The following WWOX variants were observed in gnomAD, a reference collection of about 807,000 sequenced individuals.
WWOX encodes the protein WW domain-containing oxidoreductase.
In WWOX, 69 loss-of-function variants were observed where a neutral mutation model predicts 46.2. The ratio of observed to expected loss-of-function variants is 1.49; its 90% confidence interval spans 1.23 to 1.82. The LOEUF (loss-of-function observed/expected upper bound fraction) is 1.82, where lower values mean the gene tolerates loss of function less well. Among genes scored for constraint, WWOX ranks in the 40% most tolerant of loss-of-function variants. The probability of loss-of-function intolerance (pLI) is 0.00; values close to 1 mark genes in which losing one functional copy is unlikely to be tolerated. For missense variants in WWOX, 919 were observed against 542.6 expected, an observed-to-expected ratio of 1.69 and a Z score of -6.89; for synonymous variants, 359 against 202.6, an observed-to-expected ratio of 1.77 and a Z score of -6.56.
intron 8 of WWOX, among the ~76,000 whole-genome samples, chr16:79,140,559 T>G (rs919883860): frequency 6.6e-6 from 1 of 152,152 alleles, no homozygotes; most frequent in Non-Finnish European, 1.5e-5. Flanking sequence ...CCCTGAACTT[T>G]GCAAACCTCT....
At chr16:78,516,103 C>G (rs892081982) in intron 8 of WWOX, among the ~76,000 whole-genome samples, 6 of 152,098 alleles carry the variant, frequency 3.9e-5, no homozygotes, top group Admixed American at 2.6e-4. Flanking sequence ...AAATGAATAG[C>G]AAGAAAAATA....
chr16:78,680,646 C>T (rs551484288), intron 8 of WWOX, among the ~76,000 whole-genome samples: 1 of 152,206 alleles, frequency 6.6e-6, no homozygotes, highest in Admixed American at 6.5e-5. Flanking sequence ...AAGATTCAAT[C>T]TCTCACTCAC....
chr16:78,289,419 T>G (rs968245842), intron 5 of WWOX, among the ~76,000 whole-genome samples: 2 of 151,908 alleles, frequency 1.3e-5, no homozygotes, highest in African/African-American at 4.8e-5. Context: ...AATTACTTAC[T>G]AATGAAAAAA....
intron 8 of WWOX, among the ~76,000 whole-genome samples, chr16:78,528,349 A>T (rs749846872): frequency 6.6e-6 from 1 of 151,374 alleles, no homozygotes; most frequent in Non-Finnish European, 1.5e-5. Flanking sequence ...GTGATAGTCC[A>T]ACCTCCTGTA....
intron 8 of WWOX, among the ~76,000 whole-genome samples, chr16:78,441,765 G>T (rs113161102): frequency 6.6e-5 from 10 of 152,026 alleles, no homozygotes; most frequent in African/African-American, 2.4e-4. Flanking sequence ...TGAACTTAAG[G>T]CCTCTACAGT....
chr16:79,178,269 C>T (rs2050841388), intron 8 of WWOX, among the ~76,000 whole-genome samples: 1 of 152,116 alleles, frequency 6.6e-6, no homozygotes, highest in Non-Finnish European at 1.5e-5. Context: ...AAACAGTGGG[C>T]AGGATTTGAC....
At chr16:79,097,484 T>G (rs891668451) in intron 8 of WWOX, among the ~76,000 whole-genome samples, 1 of 151,920 alleles carries the variant, frequency 6.6e-6, no homozygotes. Context: ...GCAAAATCCA[T>G]ATTTTGTTCG....
At chr16:78,866,197 G>A (rs1028653714) in intron 8 of WWOX, among the ~76,000 whole-genome samples, 5 of 152,090 alleles carry the variant, frequency 3.3e-5, no homozygotes, top group Non-Finnish European at 5.9e-5. Flanking sequence ...AAACACCGAA[G>A]AATCCTTCTG....
intron 8 of WWOX, among the ~76,000 whole-genome samples, chr16:78,842,427 T>C (rs1051161526): frequency 2.6e-5 from 4 of 151,952 alleles, no homozygotes; most frequent in African/African-American, 9.7e-5. Flanking sequence ...TGCTTGAGGC[T>C]GGATGTGTGT....
At chr16:78,702,252 C>G (rs932001539) in intron 8 of WWOX, among the ~76,000 whole-genome samples, 2 of 149,634 alleles carry the variant, frequency 1.3e-5, no homozygotes, top group African/African-American at 4.9e-5. Flanking sequence ...TATACTCCAG[C>G]CTGGGTGACA....
chr16:78,464,003 T>G (rs1276843511), intron 8 of WWOX, among the ~76,000 whole-genome samples: 1 of 152,068 alleles, frequency 6.6e-6, no homozygotes, highest in African/African-American at 2.4e-5. Context: ...GATCTGGCGG[T>G]CAGAACCTAG....
At chr16:78,752,083 C>T (rs1013838354) in intron 8 of WWOX, among the ~76,000 whole-genome samples, 1 of 152,110 alleles carries the variant, frequency 6.6e-6, no homozygotes, top group African/African-American at 2.4e-5. Flanking sequence ...ATTGGTAAAA[C>T]TTTGTCTTTG....
chr16:78,929,340 A>G (rs1375198799), intron 8 of WWOX, among the ~76,000 whole-genome samples: 3 of 151,890 alleles, frequency 2.0e-5, no homozygotes, highest in Non-Finnish European at 4.4e-5. Flanking sequence ...TTGAATTTTC[A>G]GTTTCTATAT....
chr16:78,648,320 G>A (rs561237860), intron 8 of WWOX, among the ~76,000 whole-genome samples: 2 of 152,308 alleles, frequency 1.3e-5, no homozygotes, highest in South Asian at 4.1e-4. Flanking sequence ...GTAAGGAAAC[G>A]CTGGTGGGTG....
At chr16:78,568,388 A>G (rs2044626758) in intron 8 of WWOX, among the ~76,000 whole-genome samples, 1 of 151,552 alleles carries the variant, frequency 6.6e-6, no homozygotes, top group South Asian at 2.1e-4. Context: ...ATTTAGAATC[A>G]CTTTGAGTTA....
chr16:78,985,740 G>A (rs984906307), intron 8 of WWOX, among the ~76,000 whole-genome samples: 1 of 151,598 alleles, frequency 6.6e-6, no homozygotes, highest in East Asian at 2.0e-4. Context: ...CTGCACTCCA[G>A]CCTGGGCAAA....
At chr16:78,288,741 T>C (rs1656491667) in intron 5 of WWOX, among the ~76,000 whole-genome samples, 1 of 152,144 alleles carries the variant, frequency 6.6e-6, no homozygotes, top group Non-Finnish European at 1.5e-5. Flanking sequence ...TCCTTTTATT[T>C]GAACTAACCA....
intron 8 of WWOX, among the ~76,000 whole-genome samples, chr16:78,489,548 C>T (rs780047026): frequency 1.3e-5 from 2 of 152,016 alleles, no homozygotes; most frequent in African/African-American, 2.4e-5. Flanking sequence ...CAAATATGTA[C>T]GTAACACAAA....
intron 8 of WWOX, among the ~76,000 whole-genome samples, chr16:79,194,315 C>G (rs1010175064): frequency 1.3e-5 from 2 of 152,130 alleles, no homozygotes; most frequent in Non-Finnish European, 2.9e-5. Flanking sequence ...TTCATTCATT[C>G]ATCCTTTTAG....
Sources: allele counts gnomAD v4.1 joint callset (sites outside exome capture counted in the v4.1 genomes callset), GRCh38; gene constraint gnomAD v4.1.1; transcripts MANE v1.5; gene names NCBI Gene and HGNC (gene_info 2026-07-23, HGNC 2026-07-21).